Variants in B3GALT1 observed in about 807,000 individuals in gnomAD.
The protein encoded by B3GALT1 is UDP-Gal:betaGlcNAc beta 1,3-galactosyltransferase, polypeptide 1.
A neutral mutation model predicts 23.2 loss-of-function variants in B3GALT1; 10 were observed. The ratio of observed to expected loss-of-function variants is 0.43; its 90% CI spans 0.27 to 0.73. B3GALT1 has a LOEUF of 0.73. B3GALT1 is among the 30% of genes least tolerant of loss of function. B3GALT1 has a pLI of 0.21. For synonymous variants in B3GALT1, 156 were observed against 141.5 expected, an observed-to-expected ratio of 1.10 and a Z score of -0.73; for missense variants, 299 against 405.4, an observed-to-expected ratio of 0.74 and a Z score of 2.25.
intron 2 of B3GALT1, among the ~76,000 whole-genome samples, chr2:167,603,270 G>C (rs1169680498): frequency 1.3e-5 from 2 of 152,100 alleles, no homozygotes; most frequent in Non-Finnish European, 2.9e-5. Context: ...TAGAGCCACA[G>C]AATGATGCAG....
chr2:167,299,903 A>C (rs899759377), intron 1 of B3GALT1, among the ~76,000 whole-genome samples: 1 of 150,748 alleles, frequency 6.6e-6, no homozygotes, highest in Non-Finnish European at 1.5e-5. Context: ...TATTTTATTT[A>C]TTTCTTTATT....
chr2:167,526,656 C>G lies in B3GALT1; in HGVS notation c.-410+36379C>G, dbSNP rs750968199. Among the ~76,000 whole-genome samples the G allele has an allele frequency of 4.7e-4, 71 of 152,302 alleles. 1 individual carries two copies. The highest frequency in any genetic ancestry group is 6.8e-3 in the Middle Eastern group (2 of 294). ...TCTCATAGGCACGAGTGCCCAAGAA[C>G]TCATGCATAGGAGTGCTTACAGAAA... On this transcript the variant is annotated intron_variant, in intron 2 of 4. Transcript: ENST00000392690.
intron 1 of B3GALT1, among the ~76,000 whole-genome samples, chr2:167,442,035 C>A (rs933530095): frequency 1.3e-5 from 2 of 151,706 alleles, no homozygotes; most frequent in African/African-American, 4.9e-5. Flanking sequence ...CCCACTCCCC[C>A]CACCCCACCA....
intron 3 of B3GALT1, among the ~76,000 whole-genome samples, chr2:167,812,964 C>T (rs1242771675): frequency 2.1e-5 from 3 of 145,994 alleles, no homozygotes; most frequent in Non-Finnish European, 3.0e-5. Context: ...CATGCATACA[C>T]ACACACACAC....
intron 3 of B3GALT1, among the ~76,000 whole-genome samples, chr2:167,687,345 C>T (rs995813152): frequency 1.3e-5 from 2 of 152,034 alleles, no homozygotes; most frequent in Non-Finnish European, 2.9e-5. Flanking sequence ...AATTTAACAG[C>T]GAACATATTT....
intron 2 of B3GALT1, among the ~76,000 whole-genome samples, chr2:167,511,036 T>A (rs776322967): frequency 6.6e-6 from 1 of 152,234 alleles, no homozygotes; most frequent in Non-Finnish European, 1.5e-5. Context: ...ATGTGCATAC[T>A]ATTTCAGTTA....
chr2:167,626,927 C>T (rs1465676481), intron 2 of B3GALT1, among the ~76,000 whole-genome samples: 1 of 151,674 alleles, frequency 6.6e-6, no homozygotes, highest in Admixed American at 6.6e-5. Flanking sequence ...ACTCTTTACT[C>T]AGGTAGTTTT....
intron 3 of B3GALT1, among the ~76,000 whole-genome samples, chr2:167,744,378 A>C (rs1687621028): frequency 6.6e-6 from 1 of 152,106 alleles, no homozygotes; most frequent in African/African-American, 2.4e-5. Flanking sequence ...TTTTCATGTT[A>C]TTTTATTAGA....
chr2:167,462,389 C>CA (rs1699271647), intron 1 of B3GALT1, among the ~76,000 whole-genome samples: 1 of 152,162 alleles, frequency 6.6e-6, no homozygotes, highest in East Asian at 1.9e-4. Context: ...ATGGTCCTTA[C>CA]TGCTGACTCA....
chr2:167,844,158 G>A (rs1443809165), intron 4 of B3GALT1, among the ~76,000 whole-genome samples: 2 of 152,102 alleles, frequency 1.3e-5, no homozygotes, highest in African/African-American at 2.4e-5. Flanking sequence ...TTGCTAAGTG[G>A]GGGAAAAGCA....
intron 2 of B3GALT1, among the ~76,000 whole-genome samples, chr2:167,586,801 A>G (rs1469539720): frequency 1.3e-5 from 2 of 152,210 alleles, no homozygotes; most frequent in Non-Finnish European, 2.9e-5. Flanking sequence ...AAAACTTAAT[A>G]TGTAATTTTT....
chr2:167,736,623 T>C (rs1435598617), intron 3 of B3GALT1, among the ~76,000 whole-genome samples: 1 of 152,150 alleles, frequency 6.6e-6, no homozygotes, highest in East Asian at 1.9e-4. Context: ...CCAATGAGGC[T>C]GGATGCAGTG....
intron 1 of B3GALT1, among the ~76,000 whole-genome samples, chr2:167,456,761 T>G (rs562546904): frequency 2.6e-5 from 4 of 152,282 alleles, no homozygotes; most frequent in South Asian, 2.1e-4. Flanking sequence ...ATTAGGGATA[T>G]GGGTGGGGGG....
intron 3 of B3GALT1, chr2:167,714,708 C>A: frequency 1.2e-6 from 2 of 1,613,848 alleles, no homozygotes; most frequent in Non-Finnish European, 1.7e-6. Flanking sequence ...TAGGAAATAA[C>A]CTGCTTTTGA....
At chr2:167,768,000 C>A (rs1688007005) in intron 3 of B3GALT1, among the ~76,000 whole-genome samples, 1 of 151,940 alleles carries the variant, frequency 6.6e-6, no homozygotes, top group South Asian at 2.1e-4. Flanking sequence ...AGATTGATGT[C>A]CCAGCTCAAG....
At chr2:167,640,345 C>T (rs370743715) in intron 2 of B3GALT1, among the ~76,000 whole-genome samples, 30 of 151,842 alleles carry the variant, frequency 2.0e-4, no homozygotes, top group African/African-American at 5.6e-4. Flanking sequence ...TTCCTTAGAG[C>T]ACAGAGTTTT....
At chr2:167,612,441 T>C (rs1050801673) in intron 2 of B3GALT1, among the ~76,000 whole-genome samples, 17 of 151,320 alleles carry the variant, frequency 1.1e-4, no homozygotes, top group African/African-American at 3.6e-4. Context: ...TACTTTTACA[T>C]TGTGTATCAG....
intron 1 of B3GALT1, among the ~76,000 whole-genome samples, chr2:167,422,174 G>A (rs781351623): frequency 1.3e-5 from 2 of 151,494 alleles, no homozygotes; most frequent in Non-Finnish European, 2.9e-5. Flanking sequence ...AGAAGGAGAC[G>A]ACAGTGACAT....
intron 1 of B3GALT1, among the ~76,000 whole-genome samples, chr2:167,481,959 T>C (rs981305852): frequency 6.6e-6 from 1 of 152,196 alleles, no homozygotes; most frequent in African/African-American, 2.4e-5. Flanking sequence ...TTTAAGTGAA[T>C]AGTATACAGA....
Sources: allele counts gnomAD v4.1 joint callset (sites outside exome capture counted in the v4.1 genomes callset), GRCh38; gene constraint gnomAD v4.1.1; transcripts MANE v1.5; gene names NCBI Gene and HGNC (gene_info 2026-07-23, HGNC 2026-07-21).